Variants in CCDC7 observed in about 807,000 individuals in gnomAD.
The protein encoded by CCDC7 is coiled-coil domain containing 7, also known as coiled-coil domain-containing protein 7.
In CCDC7, 183 loss-of-function variants were observed where a neutral mutation model predicts 196.9. The ratio of observed to expected loss-of-function variants is 0.93; its 90% CI spans 0.82 to 1.05. CCDC7 has a LOEUF of 1.05. Among genes scored for constraint, CCDC7 ranks in the 50% least tolerant of loss-of-function variants. CCDC7 has a pLI of 0.00. For synonymous variants in CCDC7, 525 were observed against 484.6 expected (o/e 1.08, Z -1.10); for missense variants, 1,540 against 1,482.2 (o/e 1.04, Z -0.64).
intron 21 of CCDC7, among the ~76,000 whole-genome samples, chr10:32,682,535 C>G (rs926615119): frequency 4.6e-5 from 7 of 152,274 alleles, no homozygotes; most frequent in African/African-American, 1.7e-4. Flanking sequence ...GTTGCTGGAT[C>G]AAATGGTAGT....
intron 18 of CCDC7, among the ~76,000 whole-genome samples, chr10:32,633,694 ATATG>A (rs1472301231): frequency 2.0e-4 from 23 of 112,984 alleles, no homozygotes; most frequent in East Asian, 1.3e-3. Context: ...ATATATATAT[ATATG>A]TGTGTGTGTG....
intron 33 of CCDC7, among the ~76,000 whole-genome samples, chr10:32,836,730 GT>G (rs1383670170): frequency 3.9e-5 from 6 of 152,018 alleles, no homozygotes; most frequent in African/African-American, 1.4e-4. Flanking sequence ...TGATGGGGTT[GT>G]TTTTTTCTTG....
chr10:32,762,832 C>A (rs2077667363), intron 28 of CCDC7, among the ~76,000 whole-genome samples: 1 of 151,760 alleles, frequency 6.6e-6, no homozygotes, highest in Non-Finnish European at 1.5e-5. Flanking sequence ...GAAACTGGAA[C>A]TTATTTTATA....
At chr10:32,668,431 C>T (rs1283833521) in intron 21 of CCDC7, among the ~76,000 whole-genome samples, 2 of 152,120 alleles carry the variant, frequency 1.3e-5, no homozygotes, top group Non-Finnish European at 2.9e-5. Flanking sequence ...TGAGAGAGGG[C>T]ATCCCTGTCT....
chr10:32,809,999 C>T (rs1469200439), intron 30 of CCDC7, among the ~76,000 whole-genome samples: 4 of 151,952 alleles, frequency 2.6e-5, no homozygotes, highest in Admixed American at 1.3e-4. Context: ...CAGTGATAGA[C>T]TGGATTAAGA....
intron 24 of CCDC7, among the ~76,000 whole-genome samples, chr10:32,700,482 G>A (rs1468756274): frequency 6.6e-6 from 1 of 152,076 alleles, no homozygotes; most frequent in African/African-American, 2.4e-5. Context: ...TTGAAGTCAG[G>A]TAGCGTGATG....
chr10:32,658,618 T>C (rs898117515), intron 20 of CCDC7, among the ~76,000 whole-genome samples: 1 of 152,158 alleles, frequency 6.6e-6, no homozygotes, highest in African/African-American at 2.4e-5. Context: ...TCAGTGTCCT[T>C]TGACAAATGA....
chr10:32,679,523 T>C (rs1347693327), intron 21 of CCDC7, among the ~76,000 whole-genome samples: 2 of 152,200 alleles, frequency 1.3e-5, no homozygotes, highest in African/African-American at 4.8e-5. Context: ...AGAGTGTAAG[T>C]AGTCGAATAG....
At chr10:32,668,419 G>T (rs970239619) in intron 21 of CCDC7, among the ~76,000 whole-genome samples, 1 of 152,122 alleles carries the variant, frequency 6.6e-6, no homozygotes, top group Non-Finnish European at 1.5e-5. Context: ...GGATAGGAGT[G>T]GTGAGAGAGG....
At chr10:32,653,722 T>A (rs2069217165) in intron 20 of CCDC7, among the ~76,000 whole-genome samples, 1 of 152,152 alleles carries the variant, frequency 6.6e-6, no homozygotes, top group African/African-American at 2.4e-5. Context: ...AATTTTAAAC[T>A]CAAAAGCCCA....
intron 41 of CCDC7, among the ~76,000 whole-genome samples, chr10:32,869,659 T>C (rs1285901792): frequency 6.6e-6 from 1 of 152,190 alleles, no homozygotes; most frequent in Non-Finnish European, 1.5e-5. Flanking sequence ...TCCTGAATGG[T>C]ATTGCCTAGG....
chr10:32,511,260 G>GTGGGGGT (rs1564505934), intron 9 of CCDC7: 3 of 625,836 alleles, frequency 4.8e-6, no homozygotes, highest in African/African-American at 4.9e-5. Context: ...TCTGTGGGGG[G>GTGGGGGT]CGGGGGGGGC....
At chr10:32,595,544 C>T (rs919960505) in intron 18 of CCDC7, among the ~76,000 whole-genome samples, 4 of 152,196 alleles carry the variant, frequency 2.6e-5, no homozygotes, top group African/African-American at 7.2e-5. Context: ...CTATCTCCTT[C>T]AGTTCTGCTC....
intron 19 of CCDC7, 118 bp from the exon 21 acceptor site, chr10:32,634,930 TTTTAACGAA>T (rs2065394833): frequency 2.5e-6 from 1 of 393,492 alleles, no homozygotes; most frequent in Non-Finnish European, 4.5e-6. Context: ...CCACGGTCTA[TTTTAACGAA>T]TACCTCACTG....
rs752338821 is a variant in CCDC7 at position 32,472,560 on chromosome 10, AT to A, written c.739+19del. On this transcript the variant is annotated intron_variant, in intron 7 of 41. Coordinates refer to ENST00000639629, the Ensembl canonical transcript of CCDC7. Reference sequence around the variant, plus strand: ...AATTGAAGGTGATAATATTTTATATATGTTTATCCTTAAAAATTTTATTAAA... The same window carrying A: ...AATTGAAGGTGATAATATTTTATATAGTTTATCCTTAAAAATTTTATTAAA... 6.6e-7 allele frequency: 1 copy of A among 1,513,284 alleles called. No homozygotes were observed. Among genetic ancestry groups the A allele is most frequent in the Admixed American group, 2.1e-5 (1 of 48,238 alleles). 93.7% of individuals were successfully genotyped at this position (1,513,284 alleles called of 1,614,324 possible).
At chr10:32,460,492 A>C (rs1328710926) in intron 3 of CCDC7, among the ~76,000 whole-genome samples, 1 of 152,200 alleles carries the variant, frequency 6.6e-6, no homozygotes, top group Admixed American at 6.5e-5. Flanking sequence ...GGCTACAATG[A>C]GTGGTTGAAT....
At chr10:32,597,078 C>T (rs2060458219) in intron 18 of CCDC7, among the ~76,000 whole-genome samples, 1 of 152,192 alleles carries the variant, frequency 6.6e-6, no homozygotes, top group South Asian at 2.1e-4. Flanking sequence ...GCCTGCCTCA[C>T]TAGGTTGGGG....
chr10:32,665,197 A>G (rs2072390806), intron 21 of CCDC7, among the ~76,000 whole-genome samples: 1 of 152,062 alleles, frequency 6.6e-6, no homozygotes, highest in Non-Finnish European at 1.5e-5. Flanking sequence ...AGCTGCTTCT[A>G]TAAATTGGAT....
chr10:32,518,072 A>G, intron 10 of CCDC7, 97 bp downstream of exon 11: 9 of 1,382,684 alleles, frequency 6.5e-6, no homozygotes, highest in Non-Finnish European at 8.7e-6. Context: ...ATAAAGATCC[A>G]ATCCTTACTT....
Sources: gnomAD v4.1 joint callset for allele counts (sites outside exome capture counted in the v4.1 genomes callset) on GRCh38, gnomAD v4.1.1 for gene constraint, MANE v1.5 for transcripts, NCBI Gene and HGNC (gene_info 2026-07-23, HGNC 2026-07-21) for gene names.